The following MAST2 variants were observed in gnomAD, a reference collection of about 807,000 sequenced individuals.
The protein encoded by MAST2 is microtubule-associated serine/threonine-protein kinase 2.
A neutral mutation model predicts 147.4 loss-of-function variants in MAST2; 70 were observed. That is an observed-to-expected ratio of 0.47 (90% CI 0.39 to 0.58). The LOEUF (loss-of-function observed/expected upper bound fraction) is 0.58. MAST2 is among the 20% of genes least tolerant of loss of function. The probability of loss-of-function intolerance (pLI) is 0.00; values close to 1 mark genes in which losing one functional copy is unlikely to be tolerated. For missense variants in MAST2, 2,080 were observed against 2,302.3 expected, an observed-to-expected ratio of 0.90 and a Z score of 1.98; for synonymous variants, 869 against 896.8, an observed-to-expected ratio of 0.97 and a Z score of 0.55.
Position 45,997,807 on chromosome 1 carries a change from G to T in MAST2, c.668+8G>T. The stretch of plus-strand genomic sequence containing the variant: ...TTTTGTTCCTGCCCGTAGGTAAGTT[G>T]ATAGGAAACCTCCTCTGGGACCAGC... On this transcript the variant is annotated splice_region_variant and intron_variant, in intron 6 of 28. Coordinates refer to ENST00000361297, the MANE Select transcript of MAST2 (RefSeq NM_015112.3). 1 of 1,613,396 alleles carries T rather than the reference G, an allele frequency of 6.2e-7. No homozygotes were observed. The highest frequency in any genetic ancestry group is 1.7e-5 in the Admixed American group (1 of 60,022).
Position 45,934,846 on chromosome 1 carries a change from G to A in MAST2, c.501-24540G>A, listed in dbSNP as rs868048479. Reference sequence around the variant, plus strand: ...TTCCGTGTCTTTGCTATAGTGAATAGTGCTGTGATGAACATGTGAGTGCAT... The same window carrying A: ...TTCCGTGTCTTTGCTATAGTGAATAATGCTGTGATGAACATGTGAGTGCAT... On this transcript the variant is annotated intron_variant, in intron 4 of 28. Coordinates refer to ENST00000361297, the MANE Select transcript of MAST2 (RefSeq NM_015112.3). 3.4e-4 allele frequency among the ~76,000 whole-genome samples: 52 copies of A among 152,220 alleles called. 1 individual carries two copies. The highest frequency in any genetic ancestry group is 3.4e-3 in the Admixed American group (52 of 15,290).
intron 5 of MAST2, among the ~76,000 whole-genome samples, chr1:45,984,438 G>A (rs1156558524): frequency 6.6e-6 from 1 of 151,360 alleles, no homozygotes; most frequent in African/African-American, 2.4e-5. Context: ...AACTAAGTAC[G>A]ACCACAGATG....
chr1:45,849,848 C>T (rs1645567995), intron 3 of MAST2, among the ~76,000 whole-genome samples: 1 of 152,150 alleles, frequency 6.6e-6, no homozygotes, highest in Admixed American at 6.5e-5. Context: ...ATCTAGTCCA[C>T]TGTTGATGGG....
intron 1 of MAST2, among the ~76,000 whole-genome samples, chr1:45,820,233 G>A (rs1040099254): frequency 2.0e-4 from 30 of 152,150 alleles, no homozygotes; most frequent in African/African-American, 7.0e-4. Context: ...ATCTTAAACT[G>A]CAAACTCTGA....
At position 45,890,014 on chromosome 1, in the gene MAST2, G is replaced by T. The variant is rs566698098; in HGVS notation, c.500+7619G>T. On this transcript the variant is annotated intron_variant, in intron 4 of 28. Transcript: ENST00000361297. ...TGCCTCGGCCTCCCAAAAGTGCTGG[G>T]ATTACAGGCATGAGCCCCCGTGCCC... Among the ~76,000 whole-genome samples the T allele has an allele frequency of 2.0e-5, 3 of 152,264 alleles. No individual in the cohort carries two copies. In the East Asian group the frequency reaches 5.8e-4, roughly 29 times the overall value.
chr1:45,960,387 T>G (rs2148914810), intron 5 of MAST2, among the ~76,000 whole-genome samples: 1 of 152,226 alleles, frequency 6.6e-6, no homozygotes, highest in South Asian at 2.1e-4. Flanking sequence ...TGTACACATG[T>G]AGTTCCAGCT....
chr1:45,837,645 T>C (rs75047479), intron 3 of MAST2, among the ~76,000 whole-genome samples: 393 of 152,342 alleles, frequency 2.6e-3, no homozygotes, highest in Middle Eastern at 6.8e-3. Context: ...TACCTAGGAA[T>C]GAAACTGGTG....
chr1:45,995,056 G>A (rs1645002359), intron 5 of MAST2, among the ~76,000 whole-genome samples: 5 of 152,010 alleles, frequency 3.3e-5, no homozygotes, highest in Admixed American at 3.3e-4. Context: ...TAACCAGGAT[G>A]GTCTCGATCT....
intron 3 of MAST2, among the ~76,000 whole-genome samples, chr1:45,881,263 T>C (rs1646833599): frequency 6.6e-6 from 1 of 152,144 alleles, no homozygotes; most frequent in Non-Finnish European, 1.5e-5. Context: ...GATAAATAAA[T>C]ATTGGTATAT....
At chr1:46,025,350 A>G (rs1646362564) in intron 15 of MAST2, among the ~76,000 whole-genome samples, 1 of 152,118 alleles carries the variant, frequency 6.6e-6, no homozygotes, top group Non-Finnish European at 1.5e-5. Flanking sequence ...TAACCATCAG[A>G]TCTCATGAGA....
intron 10 of MAST2, among the ~76,000 whole-genome samples, chr1:46,017,313 A>G (rs190632053): frequency 4.2e-4 from 64 of 152,360 alleles, no homozygotes; most frequent in African/African-American, 1.4e-3. Flanking sequence ...ACAAAAGCCA[A>G]AATTGACAAA....
intron 4 of MAST2, among the ~76,000 whole-genome samples, chr1:45,931,664 G>GTT (rs200292494): frequency 2.0e-5 from 3 of 150,248 alleles, no homozygotes; most frequent in Admixed American, 6.6e-5. Flanking sequence ...TAATTTTTGT[G>GTT]TTTTTTTTTA....
intron 6 of MAST2, among the ~76,000 whole-genome samples, chr1:45,998,922 C>CG (rs1463517366): frequency 1.3e-5 from 2 of 152,034 alleles, no homozygotes; most frequent in African/African-American, 4.8e-5. Context: ...TTGATAGAGA[C>CG]GGGGTTCCAC....
intron 3 of MAST2, among the ~76,000 whole-genome samples, chr1:45,861,135 T>C (rs1364257906): frequency 1.3e-5 from 2 of 152,246 alleles, no homozygotes; most frequent in Non-Finnish European, 2.9e-5. Context: ...TCCTGTCTTT[T>C]CGTCTTTACT....
At chr1:45,883,914 C>CTCT (rs1553221920) in intron 4 of MAST2, among the ~76,000 whole-genome samples, 1 of 62,262 alleles carries the variant, frequency 1.6e-5, no homozygotes, top group African/African-American at 5.5e-5. Context: ...CTATTTCTGC[C>CTCT]CCCCCCGCTT....
Position 45,918,118 on chromosome 1 carries a change from A to G in MAST2, c.500+35723A>G, listed in dbSNP as rs186501706. On this transcript the variant is annotated intron_variant, in intron 4 of 28. Transcript: ENST00000361297. ...AGTTAATGAGTAAATATGTAACATA[A>G]CGGATAGACAGTGCTTCTGAGAAAA... 3.9e-5 allele frequency among the ~76,000 whole-genome samples: 6 copies of G among 152,324 alleles called. No individual in the cohort carries two copies. In the East Asian group the frequency reaches 1.2e-3, roughly 29 times the overall value.
At chr1:45,859,856 A>G (rs1257945938) in intron 3 of MAST2, among the ~76,000 whole-genome samples, 2 of 152,144 alleles carry the variant, frequency 1.3e-5, no homozygotes, top group Non-Finnish European at 2.9e-5. Context: ...GATGATGAAA[A>G]TGTTTTATTC....
At chr1:45,963,687 T>C (rs1660763528) in intron 5 of MAST2, among the ~76,000 whole-genome samples, 1 of 152,228 alleles carries the variant, frequency 6.6e-6, no homozygotes, top group Non-Finnish European at 1.5e-5. Context: ...TTTCTAGATA[T>C]ACAATCATGT....
chr1:45,931,389 T>TG (rs549118423), intron 4 of MAST2, among the ~76,000 whole-genome samples: 119 of 148,298 alleles, frequency 8.0e-4, no homozygotes, highest in Non-Finnish European at 1.3e-3. Context: ...TTTTTTTTTT[T>TG]TTTTTTTTTT....
Sources: allele counts gnomAD v4.1 joint callset (sites outside exome capture counted in the v4.1 genomes callset), GRCh38; gene constraint gnomAD v4.1.1; transcripts MANE v1.5; gene names NCBI Gene and HGNC (gene_info 2026-07-23, HGNC 2026-07-21).